The following GRM1 variants were observed in gnomAD, a reference collection of about 807,000 sequenced individuals.
GRM1 encodes glutamate metabotropic receptor 1.
Under a neutral mutation model 90.9 loss-of-function variants are expected in GRM1, and 33 were observed. That is an observed-to-expected ratio of 0.36 (90% CI 0.28 to 0.49). GRM1 has a LOEUF of 0.49. Ranked by LOEUF, GRM1 falls within the 20% of genes least tolerant of loss-of-function variation. GRM1 has a pLI of 0.99. For synonymous variants in GRM1, 700 were observed against 613.2 expected (o/e 1.14, Z -2.09); for missense variants, 1,190 against 1,534.3 (o/e 0.78, Z 3.75).
intron 5 of GRM1, among the ~76,000 whole-genome samples, chr6:146,371,630 C>T (rs896134990): frequency 1.3e-5 from 2 of 152,082 alleles, no homozygotes; most frequent in Non-Finnish European, 1.5e-5. Context: ...CTACTCTTCC[C>T]AGCCTCTGGT....
At chr6:146,028,166 C>T (rs768810011), upstream of GRM1, among the ~76,000 whole-genome samples, 1 of 151,524 alleles carries the variant, frequency 6.6e-6, no homozygotes, top group Non-Finnish European at 1.5e-5. Context: ...TGGATATATA[C>T]CTGCACAAGC....
intron 1 of GRM1, among the ~76,000 whole-genome samples, chr6:146,100,311 A>T (rs1303248426): frequency 1.3e-5 from 2 of 152,130 alleles, no homozygotes; most frequent in Non-Finnish European, 2.9e-5. Context: ...CTTAATTTTA[A>T]TGTAGTTAAA....
At chr6:146,105,165 G>T (rs1315778112) in intron 1 of GRM1, among the ~76,000 whole-genome samples, 1 of 152,194 alleles carries the variant, frequency 6.6e-6, no homozygotes, top group Non-Finnish European at 1.5e-5. Context: ...CAGAATCATT[G>T]TGACTTTTGA....
intron 2 of GRM1, among the ~76,000 whole-genome samples, chr6:146,303,564 A>G (rs1174313041): frequency 6.6e-6 from 1 of 152,150 alleles, no homozygotes; most frequent in Admixed American, 6.5e-5. Flanking sequence ...CCATCCCTTT[A>G]AATGTAATCA....
chr6:146,404,707 C>A lies in GRM1; in HGVS notation c.2660+5008C>A, dbSNP rs935237743. 5.3e-5 allele frequency among the ~76,000 whole-genome samples: 8 copies of A among 152,094 alleles called. 1 individual carries two copies. Among genetic ancestry groups the A allele is most frequent in the Non-Finnish European group, 1.2e-4 (8 of 68,004 alleles). On this transcript the variant is annotated intron_variant, in intron 7 of 7. Transcript: ENST00000282753. ...GCACGTAGAGAGATGTAGTGTTGGG[C>A]AACTTTGCAAATGCAAGAAGAGTAT...
At chr6:146,143,357 A>AT (rs1776965162) in intron 1 of GRM1, among the ~76,000 whole-genome samples, 1 of 152,170 alleles carries the variant, frequency 6.6e-6, no homozygotes, top group South Asian at 2.1e-4. Context: ...GAGCTTAGTA[A>AT]TAGGGTTGAA....
At chr6:146,208,575 T>C (rs1469982686) in intron 2 of GRM1, among the ~76,000 whole-genome samples, 3 of 152,142 alleles carry the variant, frequency 2.0e-5, no homozygotes, top group African/African-American at 7.2e-5. Context: ...CCAATCTTTC[T>C]TCATTCTACT....
At chr6:146,415,098 G>A (rs1219814525) in intron 7 of GRM1, among the ~76,000 whole-genome samples, 2 of 152,178 alleles carry the variant, frequency 1.3e-5, no homozygotes, top group African/African-American at 4.8e-5. Flanking sequence ...TACCATAGAA[G>A]TTTATTTTTT....
At chr6:146,221,558 G>A (rs1166597378) in intron 2 of GRM1, among the ~76,000 whole-genome samples, 1 of 152,178 alleles carries the variant, frequency 6.6e-6, no homozygotes, top group East Asian at 1.9e-4. Context: ...GTATTCTATG[G>A]TGTATATGTA....
At chr6:146,426,759 A>C in intron 7 of GRM1, 1 of 640,916 alleles carries the variant, frequency 1.6e-6, no homozygotes. Context: ...TGAAGAATTC[A>C]TTTACGTGCC....
chr6:146,170,289 T>C (rs1778066997), intron 2 of GRM1, among the ~76,000 whole-genome samples: 1 of 152,192 alleles, frequency 6.6e-6, no homozygotes, highest in South Asian at 2.1e-4. Context: ...CTTGCATATG[T>C]AGATAAAAGA....
At chr6:146,224,739 G>A (rs1780182283) in intron 2 of GRM1, among the ~76,000 whole-genome samples, 2 of 152,060 alleles carry the variant, frequency 1.3e-5, no homozygotes, top group South Asian at 4.1e-4. Flanking sequence ...GTCTGACTTG[G>A]GGAGGCCTTT....
chr6:146,211,551 G>A (rs181582241), intron 2 of GRM1, among the ~76,000 whole-genome samples: 274 of 152,072 alleles, frequency 1.8e-3, no homozygotes, highest in African/African-American at 6.2e-3. Flanking sequence ...CATCCATTAG[G>A]GGTTCAGTTT....
chr6:146,276,816 A>G (rs1344591093), intron 2 of GRM1, among the ~76,000 whole-genome samples: 1 of 152,218 alleles, frequency 6.6e-6, no homozygotes, highest in Non-Finnish European at 1.5e-5. Context: ...AAAGTTCTCC[A>G]GAGGCAGGGC....
intron 2 of GRM1, among the ~76,000 whole-genome samples, chr6:146,264,680 C>T (rs969617453): frequency 6.6e-6 from 1 of 152,014 alleles, no homozygotes; most frequent in African/African-American, 2.4e-5. Context: ...AGCCCTCATC[C>T]CTCTGCTACC....
At chr6:146,066,954 C>G (rs1204414334) in intron 1 of GRM1, among the ~76,000 whole-genome samples, 1 of 152,128 alleles carries the variant, frequency 6.6e-6, no homozygotes, top group Non-Finnish European at 1.5e-5. Context: ...CATATTTATT[C>G]AGTTCTTAAC....
intron 2 of GRM1, among the ~76,000 whole-genome samples, chr6:146,168,672 G>T (rs1379548973): frequency 6.6e-6 from 1 of 151,404 alleles, no homozygotes; most frequent in African/African-American, 2.4e-5. Flanking sequence ...TTTTTGTTTT[G>T]CCTGCAAATG....
chr6:146,270,648 A>G lies in GRM1; in HGVS notation c.951-33963A>G, dbSNP rs74589295. On this transcript the variant is annotated intron_variant, in intron 2 of 7. Coordinates refer to ENST00000282753, the MANE Select transcript of GRM1 (RefSeq NM_001278064.2). ...TACTTTCTCTTTTGTGACACCTGAGATAGTTGGTCACAATGTTGGTGACCA... is the reference window on the plus strand; with the variant it reads ...TACTTTCTCTTTTGTGACACCTGAGGTAGTTGGTCACAATGTTGGTGACCA... 4.5e-3 allele frequency among the ~76,000 whole-genome samples: 687 copies of G among 152,248 alleles called. 32 individuals are homozygous for G. The East Asian group carries it at 0.11, about 23-fold the overall frequency.
intron 2 of GRM1, among the ~76,000 whole-genome samples, chr6:146,243,004 T>C (rs1270062115): frequency 6.6e-6 from 1 of 152,148 alleles, no homozygotes; most frequent in Non-Finnish European, 1.5e-5. Flanking sequence ...TCTAATCAGT[T>C]ATGCTTAGTC....
Sources: gnomAD v4.1 joint callset for allele counts (sites outside exome capture counted in the v4.1 genomes callset) on GRCh38, gnomAD v4.1.1 for gene constraint, MANE v1.5 for transcripts, NCBI Gene and HGNC (gene_info 2026-07-23, HGNC 2026-07-21) for gene names.